The following LYRM4 variants were observed in gnomAD, a reference collection of about 807,000 sequenced individuals.
The protein encoded by LYRM4 is LYR motif-containing protein 4.
In LYRM4, 9 loss-of-function variants were observed where a neutral mutation model predicts 11.7. The ratio of observed to expected loss-of-function variants is 0.77; its 90% confidence interval spans 0.46 to 1.34. The LOEUF is 1.34. Among genes scored for constraint, LYRM4 ranks in the 40% most tolerant of loss-of-function variants. LYRM4 has a pLI of 0.00. For missense variants in LYRM4, 133 were observed against 112.5 expected (o/e 1.18, Z -0.82); for synonymous variants, 42 against 40.4 (o/e 1.04, Z -0.15).
chr6:5,251,306 T>G (rs17139926), intron 1 of LYRM4, among the ~76,000 whole-genome samples: 3,017 of 152,310 alleles, frequency 0.02, 91 homozygotes, highest in African/African-American at 0.069. Context: ...GAAAGGTGCT[T>G]GTTAATACTA....
chr6:5,047,269 TATCAGTGC>T, the LYRM4 span, among the ~76,000 whole-genome samples: 1 of 152,216 alleles, frequency 6.6e-6, no homozygotes, highest in African/African-American at 2.4e-5. Flanking sequence ...AGATTTCCAC[TATCAGTGC>T]ATTTTCTGAA....
At chr6:5,149,476 G>C (rs1312038381) in intron 2 of LYRM4, among the ~76,000 whole-genome samples, 1 of 152,174 alleles carries the variant, frequency 6.6e-6, no homozygotes, top group African/African-American at 2.4e-5. Flanking sequence ...GTAAAGCTGG[G>C]ATTCAAACCT....
chr6:5,259,637 C>T (rs1428593241), intron 1 of LYRM4, among the ~76,000 whole-genome samples: 1 of 152,214 alleles, frequency 6.6e-6, no homozygotes, highest in African/African-American at 2.4e-5. Context: ...GGGGGCCTAC[C>T]TAACCAGGTG....
At chr6:5,113,089 C>G (rs113746190) in intron 2 of LYRM4, 1 of 213,632 alleles carries the variant, frequency 4.7e-6, no homozygotes, top group Non-Finnish European at 9.6e-6. Flanking sequence ...CAGGTCAAGG[C>G]GAAGAAGAGG....
Position 5,108,723 on chromosome 6 carries a change from C to T in LYRM4, c.*700G>A, listed in dbSNP as rs1762744962. 3.2e-6 allele frequency: 3 copies of T among 941,320 alleles called. No homozygotes were observed. Among genetic ancestry groups the T allele is most frequent in the Non-Finnish European group, 3.8e-6 (3 of 789,184 alleles). The allele number at this position is 941,320 out of a possible 1,614,324, so 58.3% of individuals were successfully genotyped here. A position where few individuals can be genotyped will look rare whatever the true frequency, so the allele number is the denominator to read the frequency against. On this transcript the variant is annotated 3_prime_UTR_variant, in exon 3 of 3. Coordinates refer to ENST00000330636, the MANE Select transcript of LYRM4 (RefSeq NM_020408.6). The stretch of plus-strand genomic sequence containing the variant: ...GGCTTGGGTCAGGCTGGGGCTCTCT[C>T]ATTCACCAGGTGTGGGGAGGGGCTT...
chr6:5,115,840 T>G (rs1763094476), intron 2 of LYRM4, among the ~76,000 whole-genome samples: 1 of 152,156 alleles, frequency 6.6e-6, no homozygotes, highest in South Asian at 2.1e-4. Context: ...TGAATGGTAT[T>G]AAGAGGATAC....
chr6:5,257,748 G>A (rs1427918259), intron 1 of LYRM4, among the ~76,000 whole-genome samples: 2 of 152,156 alleles, frequency 1.3e-5, no homozygotes, highest in Non-Finnish European at 2.9e-5. Context: ...AGGTGGAAGA[G>A]TTTCATCCCG....
chr6:5,239,960 C>T (rs1292914282), intron 1 of LYRM4, among the ~76,000 whole-genome samples: 1 of 152,186 alleles, frequency 6.6e-6, no homozygotes, highest in African/African-American at 2.4e-5. Flanking sequence ...GAAGCTGATG[C>T]CCCCGGCAGG....
chr6:5,178,691 G>A lies in LYRM4; in HGVS notation c.207+37927C>T, dbSNP rs185122347. 7.6e-3 allele frequency among the ~76,000 whole-genome samples: 1,140 copies of A among 149,332 alleles called. 12 individuals are homozygous for A. Among genetic ancestry groups the A allele is most frequent in the African/African-American group, 0.026 (1,058 of 40,666 alleles). ...AGCCGGGCCTGCACCTGTAATCCCA[G>A]CTACTCCAGAGGCTGAGGCAGAAGA... On this transcript the variant is annotated intron_variant, in intron 2 of 2. Coordinates refer to ENST00000330636, the MANE Select transcript of LYRM4 (RefSeq NM_020408.6).
chr6:5,168,639 T>C (rs1189820311), intron 2 of LYRM4, among the ~76,000 whole-genome samples: 1 of 151,824 alleles, frequency 6.6e-6, no homozygotes, highest in Non-Finnish European at 1.5e-5. Context: ...CCTTTACTGA[T>C]CCTGGATGGG....
At chr6:5,140,716 A>G (rs1156468416) in intron 2 of LYRM4, among the ~76,000 whole-genome samples, 1 of 152,236 alleles carries the variant, frequency 6.6e-6, no homozygotes, top group Non-Finnish European at 1.5e-5. Context: ...CAACAAAAGC[A>G]TGTTAAAAAT....
At chr6:5,193,717 G>C (rs1760894347) in intron 2 of LYRM4, among the ~76,000 whole-genome samples, 1 of 152,196 alleles carries the variant, frequency 6.6e-6, no homozygotes, top group Admixed American at 6.5e-5. Flanking sequence ...AAGCAGGCCA[G>C]AGATCCTGAC....
chr6:5,073,607 A>C, the LYRM4 span, among the ~76,000 whole-genome samples: 455 of 148,604 alleles, frequency 3.1e-3, 1 homozygote, highest in African/African-American at 0.011. Flanking sequence ...AGTCTGTATA[A>C]TATATAATCC....
chr6:5,118,228 T>G (rs1332509613), intron 2 of LYRM4, among the ~76,000 whole-genome samples: 2 of 151,910 alleles, frequency 1.3e-5, no homozygotes. Context: ...GTGATTCTCA[T>G]GCCTCAGCTT....
the LYRM4 span, among the ~76,000 whole-genome samples, chr6:5,062,067 TC>T: frequency 6.8e-6 from 1 of 148,090 alleles, no homozygotes; most frequent in African/African-American, 2.5e-5. Context: ...TATTTCTTCT[TC>T]CCCTTCCTTC....
chr6:5,079,091 A>C, the LYRM4 span, among the ~76,000 whole-genome samples: 2 of 152,198 alleles, frequency 1.3e-5, no homozygotes, highest in South Asian at 4.1e-4. Flanking sequence ...CTTAATACGA[A>C]TATTTCTATG....
intron 2 of LYRM4, among the ~76,000 whole-genome samples, chr6:5,179,121 C>T (rs1561851836): frequency 6.8e-6 from 1 of 146,422 alleles, no homozygotes; most frequent in Non-Finnish European, 1.5e-5. Context: ...CTCAATAACT[C>T]AAAGTCAGGG....
the LYRM4 span, among the ~76,000 whole-genome samples, chr6:5,059,982 C>T: frequency 6.6e-6 from 1 of 152,076 alleles, no homozygotes; most frequent in African/African-American, 2.4e-5. Context: ...TATCTTTTGT[C>T]AGTTGATTTT....
intron 1 of LYRM4, among the ~76,000 whole-genome samples, chr6:5,250,523 GA>G (rs1361631490): frequency 1.2e-4 from 18 of 151,850 alleles, no homozygotes; most frequent in African/African-American, 4.1e-4. Flanking sequence ...CAATGTAAGA[GA>G]AAAAAATGTT....
Sources: gnomAD v4.1 joint callset for allele counts (sites outside exome capture counted in the v4.1 genomes callset) on GRCh38, gnomAD v4.1.1 for gene constraint, MANE v1.5 for transcripts, NCBI Gene and HGNC (gene_info 2026-07-23, HGNC 2026-07-21) for gene names.